ABI3: variants seen among roughly 807,000 people sequenced by gnomAD.
ABI3 encodes ABI gene family member 3.
In ABI3, 24 loss-of-function variants were observed where a neutral mutation model predicts 37.0. The ratio of observed to expected loss-of-function variants is 0.65; its 90% confidence interval spans 0.47 to 0.91. The LOEUF (loss-of-function observed/expected upper bound fraction) is 0.91. Ranked by LOEUF, ABI3 falls within the 40% of genes least tolerant of loss-of-function variation. ABI3 has a pLI of 0.00. For synonymous variants in ABI3, 220 were observed against 211.8 expected (o/e 1.04, Z -0.34); for missense variants, 481 against 485.1 (o/e 0.99, Z 0.08).
intron 6 of ABI3, 63 bp from the exon 7 acceptor site, chr17:49,222,028 T>C (rs1160940618): frequency 6.6e-7 from 1 of 1,506,234 alleles, no homozygotes; most frequent in Non-Finnish European, 8.9e-7. Context: ...TCTTGAGCAG[T>C]TCCCTGACAC....
chr17:49,214,603 G>A (rs961984700), intron 1 of ABI3, among the ~76,000 whole-genome samples: 2 of 152,146 alleles, frequency 1.3e-5, no homozygotes, highest in Non-Finnish European at 2.9e-5. Context: ...CCAGCTACTC[G>A]GAAGGCTGAG....
chr17:49,217,592 G>A (rs983667908), intron 2 of ABI3, 147 bp from the exon 3 acceptor site: 26 of 651,134 alleles, frequency 4.0e-5, no homozygotes, highest in Non-Finnish European at 6.1e-5. Context: ...GTAGCCTGGT[G>A]GGGGGCGGGG....
chr17:49,218,500 G>A (rs2043244967), intron 3 of ABI3, among the ~76,000 whole-genome samples: 1 of 152,128 alleles, frequency 6.6e-6, no homozygotes, highest in African/African-American at 2.4e-5. Context: ...ATCAAAATGA[G>A]CCCCTTGATA....
At chr17:49,215,982 A>C in intron 1 of ABI3, among the ~76,000 whole-genome samples, 1 of 151,234 alleles carries the variant, frequency 6.6e-6, no homozygotes, top group Admixed American at 6.6e-5. Context: ...GTGGTGGCAC[A>C]TGCTTGTAAT....
At position 49,216,711 on chromosome 17, in the gene ABI3, G is replaced by A; in HGVS notation, c.285+13G>A. The A allele has an allele frequency of 6.7e-7, 1 of 1,487,896 alleles. No individual in the cohort carries two copies. The allele number at this position is 1,487,896 out of a possible 1,614,324, so 92.2% of individuals were successfully genotyped here. ...CACGCTGGGCCAGGTAAGGGGCGTG[G>A]GGCGTGGGAAGGCATCTTGTGTCAG... On this transcript the variant is annotated intron_variant, in intron 2 of 7. Transcript: ENST00000225941.
intron 1 of ABI3, among the ~76,000 whole-genome samples, chr17:49,216,025 C>T (rs968208331): frequency 6.0e-5 from 9 of 151,086 alleles, no homozygotes; most frequent in Admixed American, 2.6e-4. Flanking sequence ...GCAGGAGAAT[C>T]GCTTGAACTC....
intron 6 of ABI3, among the ~76,000 whole-genome samples, chr17:49,221,035 TGGTGGTGC>T (rs1000349320): frequency 6.8e-6 from 1 of 146,160 alleles, no homozygotes; most frequent in African/African-American, 2.6e-5. Flanking sequence ...TAGCCTGGCG[TGGTGGTGC>T]GTGCCTGTAA....
intron 1 of ABI3, among the ~76,000 whole-genome samples, chr17:49,215,104 T>C (rs2043206669): frequency 6.6e-6 from 1 of 152,156 alleles, no homozygotes. Context: ...GGGGAAATCT[T>C]AGTGTGGTGA....
chr17:49,212,049 T>G (rs2043173913), intron 1 of ABI3, among the ~76,000 whole-genome samples: 1 of 152,060 alleles, frequency 6.6e-6, no homozygotes, highest in Non-Finnish European at 1.5e-5. Context: ...ACTCCTAGGT[T>G]CAAGCAATCC....
intron 3 of ABI3, among the ~76,000 whole-genome samples, chr17:49,218,329 GAGA>G (rs530130284): frequency 1.0e-3 from 153 of 152,238 alleles, no homozygotes; most frequent in Non-Finnish European, 1.8e-3. Context: ...TGCTGTTGGT[GAGA>G]AGAAGCGGGG....
At chr17:49,217,435 C>T (rs530320390) in intron 2 of ABI3, among the ~76,000 whole-genome samples, 21 of 152,286 alleles carry the variant, frequency 1.4e-4, no homozygotes, top group African/African-American at 5.1e-4. Context: ...CAGCCGGGTG[C>T]TTGTCTCCTC....
At position 49,210,954 on chromosome 17, in the gene ABI3, C is replaced by T. The variant is rs1383501884; in HGVS notation, c.117+113C>T. ...TGACAGTGCTTGTCCTGGGCCTTGG[C>T]TGAGAAATCCTCCCATTCCAGGCTT... On this transcript the variant is annotated intron_variant, in intron 1 of 7. Coordinates refer to ENST00000225941, the MANE Select transcript of ABI3 (RefSeq NM_016428.3). The surrounding 1 kb of genome is among the most constrained non-coding windows in gnomAD (Gnocchi z 4.2). The T allele has an allele frequency of 1.2e-6, 1 of 823,680 alleles. No individual in the cohort carries two copies. The highest frequency in any genetic ancestry group is 1.9e-6 in the Non-Finnish European group (1 of 530,170). 51.0% of individuals were successfully genotyped at this position (823,680 alleles called of 1,614,324 possible).
intron 6 of ABI3, 31 bp from the exon 7 acceptor site, chr17:49,222,058 CCA>C (rs2043295871): frequency 6.5e-7 from 1 of 1,548,774 alleles, no homozygotes; most frequent in Non-Finnish European, 8.7e-7. Flanking sequence ...GCTTCCTGTG[CCA>C]CACTTACAGC....
At chr17:49,217,622 T>C in intron 2 of ABI3, 117 bp from the exon 3 acceptor site, 1 of 959,626 alleles carries the variant, frequency 1.0e-6, no homozygotes, top group South Asian at 1.7e-5. Flanking sequence ...CAGGGCCCTC[T>C]TTTTCTAGAC....
At chr17:49,217,270 C>T (rs1053735412) in intron 2 of ABI3, among the ~76,000 whole-genome samples, 12 of 152,300 alleles carry the variant, frequency 7.9e-5, no homozygotes, top group African/African-American at 2.4e-4. Context: ...TTTCCTCCCC[C>T]GCCGCAGACC....
rs1415298173 is a variant in ABI3, at chr17:49,222,810, G to A, written c.*95G>A. ...CTCCAGTCACAGCTGGACTGGGTCT[G>A]CCCACCTCTTGGGCTGTGAGCTGTG... is the stretch of plus-strand genomic sequence containing the variant. On this transcript the variant is annotated 3_prime_UTR_variant, in exon 8 of 8. Coordinates refer to ENST00000225941, the MANE Select transcript of ABI3 (RefSeq NM_016428.3). The A allele has an allele frequency of 2.2e-6, 3 of 1,372,616 alleles. No homozygotes were observed. The highest frequency in any genetic ancestry group is 1.4e-5 in the African/African-American group (1 of 69,534). The allele number at this position is 1,372,616 out of a possible 1,614,324, so 85.0% of individuals were successfully genotyped here.
At position 49,217,930 on chromosome 17, in the gene ABI3, C is replaced by G. The variant is rs909688516; in HGVS notation, c.462+15C>G. ...ATGGGATCAAGGTAGAGAGAGGGGC[C>G]CTCCTCTTTCCCTCCAACCCACCCT... On this transcript the variant is annotated intron_variant, in intron 3 of 7. Transcript: ENST00000225941. The G allele has an allele frequency of 7.3e-6, 11 of 1,499,350 alleles. No homozygotes were observed. Among genetic ancestry groups the G allele is most frequent in the African/African-American group, 4.4e-5 (3 of 68,386 alleles). The allele number at this position is 1,499,350 out of a possible 1,614,324, so 92.9% of individuals were successfully genotyped here.
Position 49,215,699 on chromosome 17 carries a change from T to C in ABI3, c.118-832T>C, listed in dbSNP as rs906835683. Among the ~76,000 whole-genome samples the C allele has an allele frequency of 8.5e-5, 13 of 152,054 alleles. No homozygotes were observed. In the East Asian group the frequency reaches 2.6e-3, roughly 30 times the overall value. ...TTTTAGTAGAGACGAGGTTTTGCCA[T>C]TGTAGCCAGGCTGGTCTCAAACTCC... is the stretch of plus-strand genomic sequence containing the variant. On this transcript the variant is annotated intron_variant, in intron 1 of 7. Transcript: ENST00000225941.
chr17:49,220,054 CCA>C, intron 5 of ABI3, 101 bp downstream of exon 5: 1 of 1,553,152 alleles, frequency 6.4e-7, no homozygotes, highest in East Asian at 2.3e-5. Flanking sequence ...TTGAAAGGAC[CCA>C]GTTACTCCTG....
Sources: allele counts gnomAD v4.1 joint callset (sites outside exome capture counted in the v4.1 genomes callset), GRCh38; gene constraint gnomAD v4.1.1; non-coding constraint Gnocchi (gnomAD v3.1); transcripts MANE v1.5; gene names NCBI Gene and HGNC (gene_info 2026-07-23, HGNC 2026-07-21).